The following SLC35D4 variants were observed in gnomAD, a reference collection of about 807,000 sequenced individuals.
SLC35D4 encodes UDP-N-acetylglucosamine transporter SLC35D4.
chr18:23,356,757 G>T, the SLC35D4 span: 2 of 1,093,294 alleles, frequency 1.8e-6, no homozygotes, highest in Non-Finnish European at 2.7e-6. This position sits in a 1 kb window ranked among gnomAD's most constrained non-coding sequence, Gnocchi z 4.1. Flanking sequence ...GGCGTCTTTA[G>T]CAGTCCTGTG....
the SLC35D4 span, among the ~76,000 whole-genome samples, chr18:23,357,293 A>G: frequency 1.3e-5 from 2 of 152,142 alleles, no homozygotes; most frequent in Admixed American, 1.3e-4. Flanking sequence ...CAAAGGGTAC[A>G]TTTGTTTCTT....
the SLC35D4 span, among the ~76,000 whole-genome samples, chr18:23,351,377 A>C: frequency 2.0e-5 from 3 of 152,192 alleles, no homozygotes; most frequent in African/African-American, 7.2e-5. Context: ...ACTGCACTCC[A>C]GTCTGGGCAA....
the SLC35D4 span, among the ~76,000 whole-genome samples, chr18:23,339,503 T>C: frequency 6.6e-6 from 1 of 152,248 alleles, no homozygotes; most frequent in East Asian, 1.9e-4. Context: ...TAGTCAGCAC[T>C]GTCAGAGCTT....
the SLC35D4 span, among the ~76,000 whole-genome samples, chr18:23,286,775 A>T: frequency 8.0e-5 from 12 of 150,302 alleles, no homozygotes; most frequent in East Asian, 7.9e-4. Context: ...TCTTTTAAGC[A>T]CTCCTTTTAG....
At chr18:23,346,400 A>G in the SLC35D4 span, among the ~76,000 whole-genome samples, 2 of 152,216 alleles carry the variant, frequency 1.3e-5, no homozygotes, top group Non-Finnish European at 2.9e-5. Context: ...GATTATAGGC[A>G]TGAGCCACCA....
chr18:23,268,686 A>G, the SLC35D4 span, among the ~76,000 whole-genome samples: 1 of 152,140 alleles, frequency 6.6e-6, no homozygotes, highest in Non-Finnish European at 1.5e-5. Context: ...CTAGGATGGG[A>G]CTAGACGTTC....
chr18:23,299,613 C>T, the SLC35D4 span, among the ~76,000 whole-genome samples: 8 of 152,324 alleles, frequency 5.3e-5, no homozygotes. Flanking sequence ...TACAACCCCG[C>T]CCACGAGGCC....
chr18:23,268,411 C>T, the SLC35D4 span, among the ~76,000 whole-genome samples: 1 of 152,140 alleles, frequency 6.6e-6, no homozygotes, highest in African/African-American at 2.4e-5. Context: ...CTTAGTAGGG[C>T]TAGCTGAAGC....
the SLC35D4 span, among the ~76,000 whole-genome samples, chr18:23,410,626 G>A: frequency 6.6e-6 from 1 of 151,838 alleles, no homozygotes; most frequent in Non-Finnish European, 1.5e-5. Flanking sequence ...ACAACATGGT[G>A]AAACCCCTAA....
the SLC35D4 span, among the ~76,000 whole-genome samples, chr18:23,339,989 G>A: frequency 1.3e-5 from 2 of 152,168 alleles, no homozygotes; most frequent in East Asian, 3.8e-4. Context: ...AGTGACCAAA[G>A]TCAAACAGTG....
chr18:23,399,486 A>G, the SLC35D4 span: 2 of 1,256,634 alleles, frequency 1.6e-6, no homozygotes, highest in East Asian at 2.3e-5. Context: ...CTTTGCCCTT[A>G]TTGAGCTGAG....
the SLC35D4 span, among the ~76,000 whole-genome samples, chr18:23,355,218 C>T: frequency 6.6e-6 from 1 of 152,040 alleles, no homozygotes; most frequent in Non-Finnish European, 1.5e-5. Flanking sequence ...AAAACAAAAC[C>T]CTGATTTATC....
the SLC35D4 span, among the ~76,000 whole-genome samples, chr18:23,283,802 C>G: frequency 3.4e-5 from 5 of 146,642 alleles, no homozygotes; most frequent in Non-Finnish European, 5.9e-5. Flanking sequence ...GAGCAAGACT[C>G]CATCTCAAAA....
chr18:23,257,209 A>C, the SLC35D4 span: 2 of 1,605,380 alleles, frequency 1.2e-6, no homozygotes, highest in Non-Finnish European at 1.7e-6. Context: ...CATGCTTTTG[A>C]TTTTCTTTTT....
chr18:23,297,226 A>G, the SLC35D4 span: 1 of 152,260 alleles, frequency 6.6e-6, no homozygotes, highest in Non-Finnish European at 1.5e-5. Context: ...CAATTTAAAA[A>G]TAAAAATGAG....
the SLC35D4 span, among the ~76,000 whole-genome samples, chr18:23,290,039 G>A: frequency 6.6e-6 from 1 of 152,126 alleles, no homozygotes; most frequent in Non-Finnish European, 1.5e-5. Flanking sequence ...TCACATGGAC[G>A]CGCATGAAAG....
chr18:23,417,859 C>T, the SLC35D4 span, among the ~76,000 whole-genome samples: 1 of 152,142 alleles, frequency 6.6e-6, no homozygotes, highest in African/African-American at 2.4e-5. Flanking sequence ...TGTTGATCTG[C>T]ACCAGTGGTC....
At chr18:23,435,008 A>G in the SLC35D4 span, among the ~76,000 whole-genome samples, 3 of 151,676 alleles carry the variant, frequency 2.0e-5, no homozygotes, top group Non-Finnish European at 4.4e-5. Flanking sequence ...AAATATAAAT[A>G]TTAGCCCAGC....
chr18:23,346,810 C>T, the SLC35D4 span, among the ~76,000 whole-genome samples: 1 of 152,172 alleles, frequency 6.6e-6, no homozygotes. Context: ...TCTGTGAAAA[C>T]AAGGTATTAC....
Sources: gnomAD v4.1 joint callset for allele counts (sites outside exome capture counted in the v4.1 genomes callset) on GRCh38, gnomAD v4.1.1 for gene constraint, Gnocchi (gnomAD v3.1) non-coding constraint, MANE v1.5 for transcripts, NCBI Gene and HGNC (gene_info 2026-07-23, HGNC 2026-07-21) for gene names.